CTNNA3: variants seen among roughly 807,000 people sequenced by gnomAD.
The protein encoded by CTNNA3 is catenin alpha-3.
Under a neutral mutation model 95.7 loss-of-function variants are expected in CTNNA3, and 76 were observed. The ratio of observed to expected loss-of-function variants is 0.79; its 90% CI spans 0.66 to 0.96. CTNNA3 has a LOEUF of 0.96. CTNNA3 is among the 40% of genes least tolerant of loss of function. The probability of loss-of-function intolerance (pLI) is 0.00; values close to 1 mark genes in which losing one functional copy is unlikely to be tolerated. For missense variants in CTNNA3, 1,191 were observed against 1,089.8 expected (o/e 1.09, Z -1.31); for synonymous variants, 431 against 374.4 (o/e 1.15, Z -1.74).
chr10:67,174,330 A>G (rs903352902), intron 7 of CTNNA3, among the ~76,000 whole-genome samples: 1 of 152,220 alleles, frequency 6.6e-6, no homozygotes, highest in Non-Finnish European at 1.5e-5. Flanking sequence ...ATATGAGAAT[A>G]GTCTGTTTCC....
At chr10:67,152,461 T>TGTACATTTA (rs1447762729) in intron 7 of CTNNA3, among the ~76,000 whole-genome samples, 1 of 152,228 alleles carries the variant, frequency 6.6e-6, no homozygotes, top group African/African-American at 2.4e-5. Context: ...AGTGTCATAA[T>TGTACATTTA]TAGTAATCTA....
chr10:67,745,209 C>T (rs2131743333), intron 1 of CTNNA3, among the ~76,000 whole-genome samples: 1 of 152,216 alleles, frequency 6.6e-6, no homozygotes, highest in Admixed American at 6.5e-5. Flanking sequence ...CACATGCACA[C>T]ATATGTTTAT....
At chr10:67,379,661 G>C (rs1471490211) in intron 5 of CTNNA3, among the ~76,000 whole-genome samples, 1 of 152,132 alleles carries the variant, frequency 6.6e-6, no homozygotes, top group East Asian at 1.9e-4. Flanking sequence ...ATCTGATCTA[G>C]AATAGGAAAT....
intron 17 of CTNNA3, among the ~76,000 whole-genome samples, chr10:65,941,371 A>G (rs1242966238): frequency 6.6e-6 from 1 of 152,202 alleles, no homozygotes; most frequent in Non-Finnish European, 1.5e-5. Flanking sequence ...CTCCAAAGCC[A>G]GTGCTTATTT....
chr10:67,140,334 C>A (rs1860496524), intron 7 of CTNNA3, among the ~76,000 whole-genome samples: 1 of 152,012 alleles, frequency 6.6e-6, no homozygotes, highest in Non-Finnish European at 1.5e-5. Context: ...AGAGTTTAAA[C>A]AAATTGCCAC....
intron 1 of CTNNA3, among the ~76,000 whole-genome samples, chr10:67,662,425 G>A (rs1213488545): frequency 6.6e-6 from 1 of 152,104 alleles, no homozygotes; most frequent in Non-Finnish European, 1.5e-5. Flanking sequence ...GATAAGAGGG[G>A]ACTACTGTAG....
chr10:66,111,569 C>A (rs1052135536), intron 13 of CTNNA3, among the ~76,000 whole-genome samples: 3 of 152,130 alleles, frequency 2.0e-5, no homozygotes, highest in African/African-American at 7.2e-5. Context: ...TACTGGGAAT[C>A]TTGAAGGAAA....
intron 5 of CTNNA3, among the ~76,000 whole-genome samples, chr10:67,467,254 G>A (rs956332045): frequency 6.6e-6 from 1 of 152,178 alleles, no homozygotes; most frequent in Admixed American, 6.5e-5. Flanking sequence ...TACAGTCTGA[G>A]CATGGCTAGT....
intron 11 of CTNNA3, among the ~76,000 whole-genome samples, chr10:66,517,871 A>G (rs1255758531): frequency 6.6e-6 from 1 of 152,164 alleles, no homozygotes; most frequent in Non-Finnish European, 1.5e-5. Context: ...CACCATGGGC[A>G]TAGAAAATAA....
intron 7 of CTNNA3, among the ~76,000 whole-genome samples, chr10:66,788,010 T>C (rs575264395): frequency 9.2e-5 from 14 of 152,298 alleles, no homozygotes; most frequent in Admixed American, 7.8e-4. Flanking sequence ...TATTTTACCA[T>C]GTTTTCAATA....
intron 11 of CTNNA3, among the ~76,000 whole-genome samples, chr10:66,429,487 A>G (rs1202920125): frequency 1.3e-5 from 2 of 152,234 alleles, no homozygotes; most frequent in Admixed American, 6.5e-5. Flanking sequence ...GATGAACGTC[A>G]ATGCAAAAAT....
At chr10:66,914,995 G>C (rs758589425) in intron 7 of CTNNA3, among the ~76,000 whole-genome samples, 13 of 152,036 alleles carry the variant, frequency 8.6e-5, no homozygotes, top group Non-Finnish European at 1.6e-4. Context: ...GATGGAAAGA[G>C]ATAAAGAGAT....
intron 2 of CTNNA3, among the ~76,000 whole-genome samples, chr10:67,643,924 A>G (rs1839619639): frequency 6.6e-6 from 1 of 152,150 alleles, no homozygotes; most frequent in Non-Finnish European, 1.5e-5. Flanking sequence ...TTCTTTATCC[A>G]GTCTATCATT....
intron 8 of CTNNA3, among the ~76,000 whole-genome samples, chr10:66,768,783 G>T (rs1332028699): frequency 2.5e-4 from 9 of 35,948 alleles, no homozygotes; most frequent in Admixed American, 1.9e-3. Context: ...GAGACTGACA[G>T]CAAAAAAAAA....
intron 11 of CTNNA3, among the ~76,000 whole-genome samples, chr10:66,494,646 C>T (rs1840041996): frequency 6.6e-6 from 1 of 152,056 alleles, no homozygotes; most frequent in Admixed American, 6.5e-5. Context: ...TCTCACCTGA[C>T]ACAGAAATTG....
chr10:67,171,389 A>G (rs1201658074), intron 7 of CTNNA3, among the ~76,000 whole-genome samples: 2 of 152,106 alleles, frequency 1.3e-5, no homozygotes, highest in South Asian at 4.1e-4. Flanking sequence ...AGCCTGACCA[A>G]CATGGAGAAA....
intron 15 of CTNNA3, among the ~76,000 whole-genome samples, chr10:66,058,854 G>A (rs990484943): frequency 1.3e-5 from 2 of 152,174 alleles, no homozygotes; most frequent in East Asian, 1.9e-4. Flanking sequence ...GGTCAGGCCA[G>A]CCTTTTTAGA....
intron 11 of CTNNA3, among the ~76,000 whole-genome samples, chr10:66,447,248 G>A (rs1205004983): frequency 6.6e-6 from 1 of 152,066 alleles, no homozygotes; most frequent in African/African-American, 2.4e-5. Flanking sequence ...TGGCCATACT[G>A]GCCAGGTAAT....
intron 7 of CTNNA3, among the ~76,000 whole-genome samples, chr10:67,016,027 ACT>A (rs72398772): frequency 0.31 from 46,280 of 151,154 alleles, 8,417 homozygotes; most frequent in East Asian, 0.53. Flanking sequence ...ATTGCTGTAT[ACT>A]CTCTTCTTTG....
Sources: gnomAD v4.1 joint callset for allele counts (sites outside exome capture counted in the v4.1 genomes callset) on GRCh38, gnomAD v4.1.1 for gene constraint, MANE v1.5 for transcripts, NCBI Gene and HGNC (gene_info 2026-07-23, HGNC 2026-07-21) for gene names.